The following FHIT variants were observed in gnomAD, a reference collection of about 807,000 sequenced individuals.
FHIT encodes bis(5'-adenosyl)-triphosphatase.
Under a neutral mutation model 17.9 loss-of-function variants are expected in FHIT, and 19 were observed. The ratio of observed to expected loss-of-function variants is 1.06; its 90% CI spans 0.74 to 1.56. FHIT has a LOEUF of 1.56. FHIT is among the 40% of genes most tolerant of loss of function. FHIT has a pLI of 0.00. For missense variants in FHIT, 248 were observed against 189.2 expected (o/e 1.31, Z -1.82); for synonymous variants, 81 against 69.7 (o/e 1.16, Z -0.81).
chr3:60,058,130 GTTTTTTTTTTTTTTTTT>G (rs71089573), intron 5 of FHIT, among the ~76,000 whole-genome samples: 1 of 66,272 alleles, frequency 1.5e-5, no homozygotes. Context: ...ACAGAGTTGT[GTTTTTTTTTTTTTTTTT>G]TTTTTTTTTT....
chr3:60,252,951 T>C (rs1293524490), intron 5 of FHIT, among the ~76,000 whole-genome samples: 7 of 152,004 alleles, frequency 4.6e-5, no homozygotes, highest in African/African-American at 7.2e-5. Flanking sequence ...TGAGCCGAGA[T>C]AGCGCCACTG....
intron 3 of FHIT, among the ~76,000 whole-genome samples, chr3:60,976,653 T>G (rs1463424206): frequency 6.6e-6 from 1 of 152,206 alleles, no homozygotes; most frequent in East Asian, 1.9e-4. Flanking sequence ...TAATGAACCC[T>G]TGAGAAGGAC....
chr3:60,870,255 A>C (rs1472484792), intron 3 of FHIT, among the ~76,000 whole-genome samples: 1 of 9,630 alleles, frequency 1.0e-4, no homozygotes, highest in African/African-American at 1.6e-4. Context: ...GTATTTAAAC[A>C]CACAAAGAAA....
At chr3:60,865,469 A>G (rs1043158926) in intron 3 of FHIT, among the ~76,000 whole-genome samples, 15 of 152,198 alleles carry the variant, frequency 9.9e-5, no homozygotes, top group Admixed American at 7.9e-4. Context: ...GATTTGTTAG[A>G]CATGCCTAAT....
chr3:61,034,364 T>C (rs2033145375), intron 3 of FHIT, among the ~76,000 whole-genome samples: 1 of 152,152 alleles, frequency 6.6e-6, no homozygotes. Flanking sequence ...AAATCATATA[T>C]TTGACAAGGG....
chr3:61,119,547 G>A (rs553485542), intron 2 of FHIT, among the ~76,000 whole-genome samples: 150 of 152,250 alleles, frequency 9.9e-4, no homozygotes, highest in African/African-American at 3.4e-3. Flanking sequence ...ACTTGACTGA[G>A]CTAAGAGATT....
chr3:61,222,812 G>A (rs1463254304), intron 1 of FHIT, among the ~76,000 whole-genome samples: 6 of 152,140 alleles, frequency 3.9e-5, no homozygotes, highest in Non-Finnish European at 7.4e-5. Context: ...TCAAGGCAAC[G>A]GAACAGGGCA....
intron 8 of FHIT, among the ~76,000 whole-genome samples, chr3:59,790,366 C>T (rs1339673161): frequency 2.6e-5 from 4 of 152,106 alleles, no homozygotes; most frequent in South Asian, 2.1e-4. Context: ...AGGTAGAGGG[C>T]AAATTAACCA....
At chr3:59,845,023 T>G (rs562741335) in intron 8 of FHIT, among the ~76,000 whole-genome samples, 3 of 152,272 alleles carry the variant, frequency 2.0e-5, no homozygotes, top group Admixed American at 6.5e-5. Context: ...ATAGGTTTTG[T>G]GTTTCTAGGA....
intron 4 of FHIT, among the ~76,000 whole-genome samples, chr3:60,779,805 G>C (rs1033064387): frequency 6.6e-6 from 1 of 152,158 alleles, no homozygotes; most frequent in African/African-American, 2.4e-5. Context: ...ACAGGTGAGC[G>C]TGACTGATTC....
At chr3:60,284,842 T>C (rs1172458490) in intron 5 of FHIT, among the ~76,000 whole-genome samples, 2 of 152,166 alleles carry the variant, frequency 1.3e-5, no homozygotes, top group South Asian at 2.1e-4. Flanking sequence ...TTCAATACTG[T>C]ACTAGAATTT....
At chr3:60,856,430 G>T (rs1553750002) in intron 3 of FHIT, 1 of 151,722 alleles carries the variant, frequency 6.6e-6, no homozygotes, top group Non-Finnish European at 1.5e-5. Context: ...CTCCCCAAAG[G>T]AAGAAAAAAA....
At chr3:61,169,065 A>T (rs6769291) in intron 2 of FHIT, among the ~76,000 whole-genome samples, 9,052 of 152,290 alleles carry the variant, frequency 0.059, 568 homozygotes, top group East Asian at 0.28. Flanking sequence ...TAAGTCAAAG[A>T]TGGCCTCCAC....
chr3:59,922,005 C>T (rs1221417968), intron 8 of FHIT, among the ~76,000 whole-genome samples: 1 of 152,102 alleles, frequency 6.6e-6, no homozygotes, highest in Non-Finnish European at 1.5e-5. Flanking sequence ...TATCAATCTG[C>T]TTGATTTCCA....
intron 2 of FHIT, among the ~76,000 whole-genome samples, chr3:61,181,405 AC>A (rs987063497): frequency 8.5e-5 from 13 of 152,330 alleles, no homozygotes; most frequent in African/African-American, 3.1e-4. Flanking sequence ...AAAAGACAAT[AC>A]AACAGACCTC....
chr3:60,565,641 T>C (rs1053108466), intron 4 of FHIT, among the ~76,000 whole-genome samples: 1 of 152,190 alleles, frequency 6.6e-6, no homozygotes, highest in Non-Finnish European at 1.5e-5. Flanking sequence ...CCAAGATAAC[T>C]TGCTCTCGTA....
intron 4 of FHIT, among the ~76,000 whole-genome samples, chr3:60,556,550 T>C (rs370262248): frequency 6.6e-6 from 1 of 152,220 alleles, no homozygotes; most frequent in African/African-American, 2.4e-5. Context: ...CAATAGCCTG[T>C]ACAGTAGACC....
chr3:60,580,673 TTGAG>T (rs1424549947), intron 4 of FHIT, among the ~76,000 whole-genome samples: 1 of 152,094 alleles, frequency 6.6e-6, no homozygotes, highest in Non-Finnish European at 1.5e-5. Flanking sequence ...AATCCCAAGT[TTGAG>T]TACTGTCTTG....
chr3:60,232,939 G>A (rs1214157163), intron 5 of FHIT, among the ~76,000 whole-genome samples: 1 of 152,144 alleles, frequency 6.6e-6, no homozygotes, highest in African/African-American at 2.4e-5. Flanking sequence ...ATGATACTAT[G>A]GCTATAGTTT....
Sources: gnomAD v4.1 joint callset for allele counts (sites outside exome capture counted in the v4.1 genomes callset) on GRCh38, gnomAD v4.1.1 for gene constraint, MANE v1.5 for transcripts, NCBI Gene and HGNC (gene_info 2026-07-23, HGNC 2026-07-21) for gene names.